Variants in TMEM53 observed in about 807,000 individuals in gnomAD.
TMEM53 encodes novel DUF829 domain-containing protein.
Under a neutral mutation model 21.4 loss-of-function variants are expected in TMEM53, and 14 were observed. The observed-to-expected ratio is 0.65, with a 90% CI of 0.43 to 1.02. The LOEUF (loss-of-function observed/expected upper bound fraction) is 1.02, where lower values mean the gene tolerates loss of function less well. Ranked by LOEUF, TMEM53 falls within the 50% of genes least tolerant of loss-of-function variation. TMEM53 has a pLI of 0.00. For synonymous variants in TMEM53, 148 were observed against 157.4 expected (o/e 0.94, Z 0.45); for missense variants, 323 against 383.6 (o/e 0.84, Z 1.32).
chr1:44,654,992 C>A lies in TMEM53; in HGVS notation c.401G>T (p.Arg134Leu), dbSNP rs35524791. Residue 134 changes from arginine (R) to leucine (L), a missense_variant, in exon 3 of 3, where the codon CGC (arginine) becomes CTC (leucine). Arg to Leu is a moderately radical substitution (Grantham distance 102). Coordinates refer to ENST00000372237, the MANE Select transcript of TMEM53 (RefSeq NM_024587.4). This position sits in a 1 kb window ranked among gnomAD's most constrained non-coding sequence, Gnocchi z 7.0. ...AAAGATGGTGCCCACCACACGCAGG[C>A]GGCAGAAGCGACGGGTCTGCAGGAG... Reference protein sequence around the residue: ...LELLQTRRFCRLRVVGTIFDS... With the variant: ...LELLQTRRFCLLRVVGTIFDS... 6.2e-7 allele frequency: 1 copy of A among 1,613,740 alleles called. No individual in the cohort carries two copies. The highest frequency in any genetic ancestry group is 8.5e-7 in the Non-Finnish European group (1 of 1,179,834).
In TMEM53 at chr1:44,660,142, C is replaced by T. The variant is rs775313041; in HGVS notation, c.183+32G>A. 9.4e-6 allele frequency: 15 copies of T among 1,603,332 alleles called. No individual in the cohort carries two copies. In the East Asian group the frequency reaches 3.4e-4, roughly 36 times the overall value. ...CCTCAAAGGTGGTCAGCCCTCACGG[C>T]AGCCCAGGGGAGAGGGCACCAGAGT... On this transcript the variant is annotated intron_variant, in intron 2 of 2. Coordinates refer to ENST00000372237, the MANE Select transcript of TMEM53 (RefSeq NM_024587.4).
At position 44,673,873 on chromosome 1, in the gene TMEM53, G is replaced by A. The variant is rs560240916; in HGVS notation, c.61+458C>T. ...CTGCCGAGAAGAGTGGAGAGGGACG[G>A]CTAAGGGTTCTGAGTCCCGGGCTTC... On this transcript the variant is annotated intron_variant, in intron 1 of 2. Transcript: ENST00000372237. 6.1e-6 allele frequency: 6 copies of A among 985,436 alleles called. No homozygotes were observed. In the African/African-American group the frequency reaches 8.7e-5, roughly 14 times the overall value. The allele number at this position is 985,436 out of a possible 1,614,324, so 61.0% of individuals were successfully genotyped here.
In TMEM53 at chr1:44,660,184, T is replaced by A. The variant is rs569249201; in HGVS notation, c.173A>T (p.Tyr58Phe). The A allele has an allele frequency of 6.2e-7, 1 of 1,613,962 alleles. No individual in the cohort carries two copies. Among genetic ancestry groups the A allele is most frequent in the Non-Finnish European group, 8.5e-7 (1 of 1,179,926 alleles). Residue 58 changes from tyrosine to phenylalanine, a missense_variant, in exon 2 of 3, where the codon TAC becomes TTC. Around this residue, in one of 3 missense-constraint regions of TMEM53, gnomAD observed 269 missense variants for 334.5 expected, o/e 0.80. Coordinates refer to ENST00000372237, the MANE Select transcript of TMEM53 (RefSeq NM_024587.4). Reference protein sequence around the residue: ...DKNLAKYSAIYHKRGCIVIRY... With the variant: ...DKNLAKYSAIFHKRGCIVIRY... ...CACCAGAGTACTCACCCTTTTGTGG[T>A]AGATGGCACTGTACTTGGCAAGGTT... is the stretch of plus-strand genomic sequence containing the variant.
chr1:44,662,448 T>G (rs1179730204), intron 1 of TMEM53, among the ~76,000 whole-genome samples: 1 of 152,180 alleles, frequency 6.6e-6, no homozygotes, highest in African/African-American at 2.4e-5. Context: ...GCTCTTCACC[T>G]GCACTGGCCT....
chr1:44,664,534 G>A (rs561882394), intron 1 of TMEM53, among the ~76,000 whole-genome samples: 3 of 151,824 alleles, frequency 2.0e-5, no homozygotes, highest in South Asian at 4.2e-4. Flanking sequence ...CATACGAAAC[G>A]GCTTGCTCAG....
chr1:44,657,484 A>G (rs964816894), intron 2 of TMEM53, among the ~76,000 whole-genome samples: 2 of 152,188 alleles, frequency 1.3e-5, no homozygotes, highest in African/African-American at 4.8e-5. Context: ...AAGGATATAC[A>G]CTAAGTGTAA....
In TMEM53 at chr1:44,654,396, A is replaced by G. The variant is rs75614327; in HGVS notation, c.*163T>C. Reference sequence around the variant, plus strand: ...TGTGGTAAGCAGACCACCAGCAGACAGAGGCCCCCAGGAGACAGGCCCATA... The same window carrying G: ...TGTGGTAAGCAGACCACCAGCAGACGGAGGCCCCCAGGAGACAGGCCCATA... On this transcript the variant is annotated 3_prime_UTR_variant, in exon 3 of 3. Coordinates refer to ENST00000372237, the MANE Select transcript of TMEM53 (RefSeq NM_024587.4). This position sits in a 1 kb window ranked among gnomAD's most constrained non-coding sequence, Gnocchi z 7.0. 0.3 allele frequency: 231,650 copies of G among 768,850 alleles called. 38,232 individuals are homozygous for G. The highest frequency in any genetic ancestry group is 0.38 in the South Asian group (21,349 of 55,502). 47.6% of individuals were successfully genotyped at this position (768,850 alleles called of 1,614,324 possible).
intron 1 of TMEM53, among the ~76,000 whole-genome samples, chr1:44,660,710 C>G (rs965113433): frequency 6.6e-6 from 1 of 151,688 alleles, no homozygotes; most frequent in Non-Finnish European, 1.5e-5. Flanking sequence ...ATCGGCTGGG[C>G]GCGGTGGCTC....
chr1:44,662,708 A>C (rs1644912814), intron 1 of TMEM53, among the ~76,000 whole-genome samples: 2 of 151,918 alleles, frequency 1.3e-5, no homozygotes, highest in Admixed American at 1.3e-4. Context: ...CCCATGTGCC[A>C]CCACCGAGAC....
chr1:44,659,855 C>CTTTTTTT (rs35618807), intron 2 of TMEM53, among the ~76,000 whole-genome samples: 4 of 106,940 alleles, frequency 3.7e-5, no homozygotes, highest in Non-Finnish European at 5.5e-5. Context: ...TCCTCACAGG[C>CTTTTTTT]TTTTTTTTTT....
At chr1:44,661,522 G>C (rs1644902475) in intron 1 of TMEM53, among the ~76,000 whole-genome samples, 1 of 152,090 alleles carries the variant, frequency 6.6e-6, no homozygotes, top group African/African-American at 2.4e-5. Context: ...AGTCTTAAAA[G>C]GAGAAATGGA....
Position 44,659,372 on chromosome 1 carries a change from G to A in TMEM53, c.183+802C>T, listed in dbSNP as rs991009821. 3.9e-5 allele frequency among the ~76,000 whole-genome samples: 6 copies of A among 152,338 alleles called. No individual in the cohort carries two copies. In the East Asian group the frequency reaches 1.2e-3, roughly 29 times the overall value. On this transcript the variant is annotated intron_variant, in intron 2 of 2. Coordinates refer to ENST00000372237, the MANE Select transcript of TMEM53 (RefSeq NM_024587.4). ...GTTTGGGGGAGAGATCTGGGCTGAGGAGGGGAAGGTGGAGCTGGAGGCCCA... is the reference window on the plus strand; with the variant it reads ...GTTTGGGGGAGAGATCTGGGCTGAGAAGGGGAAGGTGGAGCTGGAGGCCCA...
At chr1:44,661,786 C>A (rs1189518636) in intron 1 of TMEM53, among the ~76,000 whole-genome samples, 1 of 152,192 alleles carries the variant, frequency 6.6e-6, no homozygotes, top group Non-Finnish European at 1.5e-5. Flanking sequence ...GCTGCCACCC[C>A]ATCCACAGCT....
chr1:44,667,645 A>C (rs1454240871), intron 1 of TMEM53, among the ~76,000 whole-genome samples: 1 of 152,132 alleles, frequency 6.6e-6, no homozygotes, highest in Non-Finnish European at 1.5e-5. Flanking sequence ...AATACATCAA[A>C]TATTAATAGC....
chr1:44,663,429 TG>T (rs1223434795), intron 1 of TMEM53, among the ~76,000 whole-genome samples: 5 of 152,128 alleles, frequency 3.3e-5, no homozygotes, highest in Non-Finnish European at 5.9e-5. Context: ...TCAGTAGAGA[TG>T]GGGTTTCACC....
At chr1:44,666,786 G>C (rs1434557047) in intron 1 of TMEM53, among the ~76,000 whole-genome samples, 1 of 152,106 alleles carries the variant, frequency 6.6e-6, no homozygotes, top group Non-Finnish European at 1.5e-5. Context: ...TTTGGAATTA[G>C]ATGGCAGTGA....
At position 44,654,970 on chromosome 1, in the gene TMEM53, G is replaced by GTCCT; in HGVS notation, c.422_423insAGGA (p.Phe142GlyfsTer3). On this transcript the variant is annotated frameshift_variant, in exon 3 of 3. Coordinates refer to ENST00000372237, the MANE Select transcript of TMEM53 (RefSeq NM_024587.4). LOFTEE classifies it high-confidence loss of function. The surrounding 1 kb of genome is among the most constrained non-coding windows in gnomAD (Gnocchi z 7.0). Reference sequence around the variant, plus strand: ...TGCTGTCACCAGGAGCGCTGTCAAAGATGGTGCCCACCACACGCAGGCGGC... The same window carrying GTCCT: ...TGCTGTCACCAGGAGCGCTGTCAAAGTCCTATGGTGCCCACCACACGCAGGCGGC... The GTCCT allele has an allele frequency of 6.2e-7, 1 of 1,614,010 alleles. No homozygotes were observed. The highest frequency in any genetic ancestry group is 8.5e-7 in the Non-Finnish European group (1 of 1,179,932).
chr1:44,659,275 C>T (rs1480208854), intron 2 of TMEM53, among the ~76,000 whole-genome samples: 2 of 152,148 alleles, frequency 1.3e-5, no homozygotes, highest in African/African-American at 4.8e-5. Flanking sequence ...TCCCAGGTGC[C>T]CCCCCACTGC....
intron 1 of TMEM53, among the ~76,000 whole-genome samples, chr1:44,662,283 G>A (rs1644909097): frequency 6.6e-6 from 1 of 152,242 alleles, no homozygotes; most frequent in Non-Finnish European, 1.5e-5. Flanking sequence ...AGCTGCCAAA[G>A]CCTCAGTCCC....
Sources: allele counts gnomAD v4.1 joint callset (sites outside exome capture counted in the v4.1 genomes callset), GRCh38; gene constraint gnomAD v4.1.1; regional missense constraint gnomAD v4.1.1; non-coding constraint Gnocchi (gnomAD v3.1); transcripts MANE v1.5; gene names NCBI Gene and HGNC (gene_info 2026-07-23, HGNC 2026-07-21).